The following ZMYM4 variants were observed in gnomAD, a reference collection of about 807,000 sequenced individuals.
The protein encoded by ZMYM4 is zinc finger MYM-type protein 4.
ZMYM4 carries 31 observed loss-of-function variants against 183.2 expected under a neutral mutation model. That is an observed-to-expected ratio of 0.17 (90% confidence interval 0.13 to 0.23). ZMYM4 has a LOEUF of 0.23. Ranked by LOEUF, ZMYM4 falls within the 10% of genes least tolerant of loss-of-function variation. The pLI is 1.00. For synonymous variants in ZMYM4, 592 were observed against 631.2 expected, an observed-to-expected ratio of 0.94 and a Z score of 0.93; for missense variants, 1,273 against 1,840.3, an observed-to-expected ratio of 0.69 and a Z score of 5.64.
intron 2 of ZMYM4, among the ~76,000 whole-genome samples, chr1:35,336,303 T>C (rs1642972804): frequency 6.6e-6 from 1 of 152,162 alleles, no homozygotes; most frequent in African/African-American, 2.4e-5. Flanking sequence ...AATGATACTT[T>C]AGTGTATCCT....
chr1:35,374,936 A>G (rs1376024980), intron 7 of ZMYM4, among the ~76,000 whole-genome samples: 1 of 152,066 alleles, frequency 6.6e-6, no homozygotes, highest in Non-Finnish European at 1.5e-5. Flanking sequence ...ATCTTATGTA[A>G]TTCAATTGCT....
intron 2 of ZMYM4, among the ~76,000 whole-genome samples, chr1:35,356,003 G>A (rs759343389): frequency 1.2e-4 from 18 of 152,052 alleles, no homozygotes; most frequent in Non-Finnish European, 2.4e-4. Flanking sequence ...TGAGGTGGGC[G>A]GATTGCTTGA....
chr1:35,280,208 C>T (rs1253270739), intron 1 of ZMYM4, among the ~76,000 whole-genome samples: 1 of 147,912 alleles, frequency 6.8e-6, no homozygotes, highest in Non-Finnish European at 1.5e-5. Context: ...CCTTTCTTCC[C>T]TTCCTTTCTC....
chr1:35,291,665 TTCAC>T (rs1320879347), intron 1 of ZMYM4, among the ~76,000 whole-genome samples: 2 of 150,380 alleles, frequency 1.3e-5, no homozygotes, highest in African/African-American at 4.9e-5. Context: ...GAGACAGAGT[TTCAC>T]TCTTGTCACC....
chr1:35,282,107 G>T (rs1640200210), intron 1 of ZMYM4, among the ~76,000 whole-genome samples: 1 of 152,220 alleles, frequency 6.6e-6, no homozygotes, highest in Non-Finnish European at 1.5e-5. Flanking sequence ...ACATTGGTAT[G>T]TAAGTATTTG....
At position 35,351,623 on chromosome 1, in the gene ZMYM4, A is replaced by G. The variant is rs1389262254; in HGVS notation, c.86-7302A>G. The G allele has an allele frequency of 2.2e-5, 14 of 633,266 alleles. 1 individual carries two copies. The South Asian group carries it at 2.3e-4, about 10-fold the overall frequency. The allele number at this position is 633,266 out of a possible 1,614,324, so 39.2% of individuals were successfully genotyped here. A position where few individuals can be genotyped will look rare whatever the true frequency, so the allele number is the denominator to read the frequency against. ...TGAGAGCTAAACCAAACAATTTTCT[A>G]TGAGGATTTTTCAGATAAAGACAAT... is the stretch of plus-strand genomic sequence containing the variant. On this transcript the variant is annotated intron_variant, in intron 2 of 29. Transcript: ENST00000314607.
intron 1 of ZMYM4, among the ~76,000 whole-genome samples, chr1:35,280,971 A>G (rs987848080): frequency 1.3e-5 from 2 of 152,116 alleles, no homozygotes; most frequent in Non-Finnish European, 2.9e-5. Flanking sequence ...ATCCTTTTTA[A>G]AAATTGATTT....
intron 2 of ZMYM4, among the ~76,000 whole-genome samples, chr1:35,346,681 A>G (rs1643409359): frequency 6.6e-6 from 1 of 151,494 alleles, no homozygotes; most frequent in South Asian, 2.1e-4. Context: ...GAAAAAAAAA[A>G]GAGAAAGAAA....
chr1:35,291,161 C>A (rs1252466951), intron 1 of ZMYM4, among the ~76,000 whole-genome samples: 1 of 152,086 alleles, frequency 6.6e-6, no homozygotes, highest in Non-Finnish European at 1.5e-5. Flanking sequence ...AGTAGGATTA[C>A]TGGATCATAT....
chr1:35,328,453 A>AT (rs1446235409), intron 2 of ZMYM4, among the ~76,000 whole-genome samples: 12 of 131,968 alleles, frequency 9.1e-5, no homozygotes, highest in South Asian at 4.7e-4. Context: ...CTAATTTTTT[A>AT]ATTTTTTTTT....
At chr1:35,357,090 A>G (rs958076005) in intron 2 of ZMYM4, among the ~76,000 whole-genome samples, 2 of 152,082 alleles carry the variant, frequency 1.3e-5, no homozygotes, top group Admixed American at 6.5e-5. Context: ...GGCTTTTGCT[A>G]TGTTGCCCAG....
intron 22 of ZMYM4, 146 bp downstream of exon 22, chr1:35,399,189 C>T (rs1222356261): frequency 3.2e-6 from 3 of 928,428 alleles, no homozygotes; most frequent in Non-Finnish European, 4.7e-6. Context: ...ACAAATAGAC[C>T]CTGGCTTTGT....
chr1:35,268,962 C>G lies in ZMYM4; in HGVS notation c.-85C>G. 7.0e-7 allele frequency: 1 copy of G among 1,418,620 alleles called. No homozygotes were observed. Among genetic ancestry groups the G allele is most frequent in the Non-Finnish European group, 9.3e-7 (1 of 1,080,112 alleles). 87.9% of individuals were successfully genotyped at this position (1,418,620 alleles called of 1,614,324 possible). On this transcript the variant is annotated 5_prime_UTR_variant, in exon 1 of 30. Transcript: ENST00000314607. The stretch of plus-strand genomic sequence containing the variant: ...GGGAAGCTGCCGCGAGGCGGCCGTG[C>G]CTGCAGTGTGGGCGGGGGCCGGGGG...
chr1:35,278,426 GTTT>G (rs35594581), intron 1 of ZMYM4, among the ~76,000 whole-genome samples: 3 of 124,580 alleles, frequency 2.4e-5, no homozygotes, highest in Non-Finnish European at 5.3e-5. Context: ...CATGAACTCT[GTTT>G]TTTTTTTTTT....
chr1:35,416,941 T>C (rs535870416), intron 28 of ZMYM4, among the ~76,000 whole-genome samples: 4 of 152,214 alleles, frequency 2.6e-5, no homozygotes, highest in African/African-American at 9.6e-5. Context: ...TTGACATGAT[T>C]AGTAGTGAAT....
At chr1:35,411,876 C>T (rs1336539012) in intron 26 of ZMYM4, among the ~76,000 whole-genome samples, 1 of 151,692 alleles carries the variant, frequency 6.6e-6, no homozygotes, top group Admixed American at 6.6e-5. Flanking sequence ...AAACATGGGA[C>T]TTTTGTTTGT....
chr1:35,386,993 G>C lies in ZMYM4; in HGVS notation c.1837-10G>C, dbSNP rs1396966501. 6.2e-7 allele frequency: 1 copy of C among 1,609,426 alleles called. No individual in the cohort carries two copies. The highest frequency in any genetic ancestry group is 1.7e-5 in the Admixed American group (1 of 59,564). ...TTAAATTGATACTTTTTGTTGTTTT[G>C]TTTTTCCAGAATTTATTCAACAAAC... On this transcript the variant is annotated splice_polypyrimidine_tract_variant and intron_variant, in intron 11 of 29. Transcript: ENST00000314607.
At chr1:35,393,401 T>C (rs1644745702) in intron 17 of ZMYM4, among the ~76,000 whole-genome samples, 194 bp from the exon 18 acceptor site, 1 of 152,202 alleles carries the variant, frequency 6.6e-6, no homozygotes, top group Non-Finnish European at 1.5e-5. Flanking sequence ...GAGTAATATA[T>C]AGTTATTAAA....
Position 35,359,062 on chromosome 1 carries a change from A to T in ZMYM4, c.223A>T (p.Asn75Tyr), listed in dbSNP as rs758250059. 1 of 1,613,762 alleles carries T rather than the reference A, an allele frequency of 6.2e-7. No homozygotes were observed. Among genetic ancestry groups the T allele is most frequent in the Non-Finnish European group, 8.5e-7 (1 of 1,179,734 alleles). Residue 75 changes from asparagine to tyrosine, a missense_variant, in exon 3 of 30, where the codon AAC becomes TAC. By Grantham distance (143) the Asn-to-Tyr change is moderately radical (BLOSUM62 -2). Transcript: ENST00000314607. ...SLLDEDDYFLNSGDLAGIPVV... is the reference protein window; with the variant it reads ...SLLDEDDYFLYSGDLAGIPVV... ...GCTGGATGAAGATGATTATTTTTTGAACTCTGGGGATCTTGCAGGAATTCC... is the reference window on the plus strand; with the variant it reads ...GCTGGATGAAGATGATTATTTTTTGTACTCTGGGGATCTTGCAGGAATTCC...
Sources: gnomAD v4.1 joint callset for allele counts (sites outside exome capture counted in the v4.1 genomes callset) on GRCh38, gnomAD v4.1.1 for gene constraint, MANE v1.5 for transcripts, NCBI Gene and HGNC (gene_info 2026-07-23, HGNC 2026-07-21) for gene names.